The following EPB42 variants were observed in gnomAD, a reference collection of about 807,000 sequenced individuals.
EPB42 encodes the protein protein 4.2.
In EPB42, 49 loss-of-function variants were observed where a neutral mutation model predicts 76.9. The ratio of observed to expected loss-of-function variants is 0.64; its 90% CI spans 0.51 to 0.81. The LOEUF (loss-of-function observed/expected upper bound fraction) is 0.81. Ranked by LOEUF, EPB42 falls within the 30% of genes least tolerant of loss-of-function variation. EPB42 has a pLI of 0.00. For synonymous variants in EPB42, 310 were observed against 338.4 expected (o/e 0.92, Z 0.92); for missense variants, 731 against 867.6 (o/e 0.84, Z 1.98).
chr15:43,197,431 A>T lies in EPB42; in HGVS notation c.1947T>A (p.Cys649Ter), dbSNP rs1296022972. ...GTGTTGGCGTGAACTGGAACTTGGC[A>T]CACATGGTGTTTTCAGGCCACACTG... ...FRSVWPENTMCAKFQFTPTHV... is the reference protein window; with the variant it reads ...FRSVWPENTM The change falls in exon 13 of 13, where the codon TGT (cysteine) becomes TGA (stop). Residue 649 changes from cysteine to a stop codon, truncating the protein, a stop_gained. Transcript: ENST00000441366. LOFTEE classifies it high-confidence loss of function. 1 of 1,614,174 alleles carries T rather than the reference A, an allele frequency of 6.2e-7. No homozygotes were observed. Among genetic ancestry groups the T allele is most frequent in the Admixed American group, 1.7e-5 (1 of 60,028 alleles).
intron 1 of EPB42, among the ~76,000 whole-genome samples, chr15:43,220,470 A>G (rs2042439948): frequency 6.6e-6 from 1 of 152,024 alleles, no homozygotes; most frequent in African/African-American, 2.4e-5. Context: ...ATCCATGTTA[A>G]CCACCATCAC....
intron 8 of EPB42, among the ~76,000 whole-genome samples, chr15:43,207,924 C>A (rs979244934): frequency 2.0e-5 from 3 of 152,206 alleles, no homozygotes; most frequent in African/African-American, 4.8e-5. Flanking sequence ...CTGCTGTAAG[C>A]CCCTGGCCTA....
chr15:43,206,701 T>TAAAA lies in EPB42; in HGVS notation c.1319-73_1319-72insTTTT. ...AATGCTTCTAATAAAACCCTGGGAA[T>TAAAA]CAAAACCATTTACCCACTTCTGCTC... On this transcript the variant is annotated intron_variant, in intron 9 of 12. Transcript: ENST00000441366. This position sits in a 1 kb window ranked among gnomAD's most constrained non-coding sequence, Gnocchi z 4.7. The TAAAA allele has an allele frequency of 6.4e-7, 1 of 1,572,160 alleles. No homozygotes were observed. The highest frequency in any genetic ancestry group is 8.7e-7 in the Non-Finnish European group (1 of 1,147,546).
intron 3 of EPB42, among the ~76,000 whole-genome samples, chr15:43,214,202 C>T (rs1404237653): frequency 6.6e-6 from 1 of 152,226 alleles, no homozygotes; most frequent in Non-Finnish European, 1.5e-5. Flanking sequence ...CAAAGACAGA[C>T]ACAATCTTCA....
At chr15:43,204,796 C>T (rs1007208885) in intron 10 of EPB42, among the ~76,000 whole-genome samples, 1 of 152,172 alleles carries the variant, frequency 6.6e-6, no homozygotes, top group East Asian at 1.9e-4. Context: ...AGACTGGATG[C>T]ATGTTAGAAT....
chr15:43,206,318 A>G lies in EPB42; in HGVS notation c.1618+12T>C. On this transcript the variant is annotated intron_variant, in intron 10 of 12. Coordinates refer to ENST00000441366, the MANE Select transcript of EPB42 (RefSeq NM_001114134.2). The surrounding 1 kb of genome is among the most constrained non-coding windows in gnomAD (Gnocchi z 4.7). ...GTGTCGGGGGGTGTCTGGTGGGGCC[A>G]TAGAGCATTACCCAGGTTGGCACTG... The G allele has an allele frequency of 6.2e-7, 1 of 1,601,428 alleles. No individual in the cohort carries two copies. The highest frequency in any genetic ancestry group is 1.1e-5 in the South Asian group (1 of 90,332).
chr15:43,213,502 A>T (rs1349464498), intron 3 of EPB42, among the ~76,000 whole-genome samples: 2 of 152,100 alleles, frequency 1.3e-5, no homozygotes. Context: ...CTACAAACTG[A>T]GCACAAAGGC....
chr15:43,203,143 G>A lies in EPB42; in HGVS notation c.1751C>T (p.Ala584Val). The change falls in exon 11 of 13, where the codon GCC becomes GTC. Residue 584 changes from alanine (A) to valine (V), a missense_variant. Transcript: ENST00000441366. Reference sequence around the variant, plus strand: ...GATGGCAAGGTGTGGTCTACAAATGGCAATGTCTTCCTGAGCAAAGCAGCT... The same window carrying A: ...GATGGCAAGGTGTGGTCTACAAATGACAATGTCTTCCTGAGCAAAGCAGCT... ...NLSCFAQEDI[A>V]ICRPHLAIKM... 6.2e-7 allele frequency: 1 copy of A among 1,614,078 alleles called. No individual in the cohort carries two copies.
intron 11 of EPB42, 23 bp from the exon 12 acceptor site, chr15:43,202,000 G>A: frequency 1.7e-5 from 28 of 1,613,612 alleles, no homozygotes; most frequent in Non-Finnish European, 2.4e-5. Context: ...GCAATACCTG[G>A]TGTGGATGCC....
chr15:43,202,814 T>C (rs762330836), intron 11 of EPB42, among the ~76,000 whole-genome samples: 16 of 152,282 alleles, frequency 1.1e-4, no homozygotes, highest in Non-Finnish European at 2.2e-4. Context: ...GAGCTGAAAA[T>C]CCTCTGGCAT....
At chr15:43,221,366 G>A (rs551097852), upstream of EPB42, among the ~76,000 whole-genome samples, 2 of 152,292 alleles carry the variant, frequency 1.3e-5, no homozygotes, top group Admixed American at 1.3e-4. Context: ...GAGAGAACAC[G>A]TGCATCTGCA....
chr15:43,200,720 C>T (rs1200327452), intron 12 of EPB42, among the ~76,000 whole-genome samples: 2 of 152,066 alleles, frequency 1.3e-5, no homozygotes, highest in Non-Finnish European at 2.9e-5. Flanking sequence ...GAGACTCTTG[C>T]AGCCATTCTG....
upstream of EPB42, among the ~76,000 whole-genome samples, chr15:43,221,765 T>TTTATA: frequency 6.6e-6 from 1 of 151,282 alleles, no homozygotes; most frequent in African/African-American, 2.4e-5. Flanking sequence ...TGCTGTTTAC[T>TTTATA]CTTTTATACT....
chr15:43,203,031 G>T, intron 11 of EPB42, 84 bp downstream of exon 11: 1 of 1,522,266 alleles, frequency 6.6e-7, no homozygotes, highest in Admixed American at 1.7e-5. Context: ...ACAGTCATCT[G>T]CTCTGAAGGG....
intron 4 of EPB42, among the ~76,000 whole-genome samples, chr15:43,210,713 C>T (rs1567278824): frequency 2.0e-5 from 3 of 152,162 alleles, no homozygotes; most frequent in South Asian, 4.2e-4. Flanking sequence ...CTCGGGGACC[C>T]GTGCTGTACT....
At chr15:43,224,782 G>C (rs144606338), upstream of EPB42, among the ~76,000 whole-genome samples, 324 of 152,248 alleles carry the variant, frequency 2.1e-3, no homozygotes, top group African/African-American at 7.4e-3. Flanking sequence ...TTGTATGTTT[G>C]TTTATTTGTT....
chr15:43,216,048 G>C (rs1347380905), intron 2 of EPB42, among the ~76,000 whole-genome samples: 1 of 152,212 alleles, frequency 6.6e-6, no homozygotes, highest in African/African-American at 2.4e-5. Flanking sequence ...AGAAGCTCTT[G>C]GTGATGCTGC....
chr15:43,206,174 G>C lies in EPB42; in HGVS notation c.1618+156C>G. The C allele has an allele frequency of 2.6e-6, 2 of 759,332 alleles. No homozygotes were observed. Among genetic ancestry groups the C allele is most frequent in the Non-Finnish European group, 4.1e-6 (2 of 492,130 alleles). 47.0% of individuals were successfully genotyped at this position (759,332 alleles called of 1,614,324 possible). A position where few individuals can be genotyped will look rare whatever the true frequency, so the allele number is the denominator to read the frequency against. ...GCTTCAGGCCCAATAAATATGTGTT[G>C]AATGAATGAATGAGAGAGAACATGA... On this transcript the variant is annotated intron_variant, in intron 10 of 12. Transcript: ENST00000441366. This position sits in a 1 kb window ranked among gnomAD's most constrained non-coding sequence, Gnocchi z 4.7.
At chr15:43,198,144 T>G (rs2042072912) in intron 12 of EPB42, among the ~76,000 whole-genome samples, 2 of 151,970 alleles carry the variant, frequency 1.3e-5, no homozygotes, top group African/African-American at 4.8e-5. Flanking sequence ...ATGAGTAGAG[T>G]GGGGCATGGC....
Sources: allele counts gnomAD v4.1 joint callset (sites outside exome capture counted in the v4.1 genomes callset), GRCh38; gene constraint gnomAD v4.1.1; non-coding constraint Gnocchi (gnomAD v3.1); transcripts MANE v1.5; gene names NCBI Gene and HGNC (gene_info 2026-07-23, HGNC 2026-07-21).